Variants in DPH6 observed in about 807,000 individuals in gnomAD.
DPH6 encodes diphthamine biosynthesis 6, also known as diphthine--ammonia ligase.
A neutral mutation model predicts 38.2 loss-of-function variants in DPH6; 33 were observed. The ratio of observed to expected loss-of-function variants is 0.86; its 90% CI spans 0.65 to 1.15. DPH6 has a LOEUF of 1.15. DPH6 is among the 50% of genes most tolerant of loss of function. The pLI, the probability that DPH6 is intolerant of heterozygous loss-of-function variation, is 0.00. For synonymous variants in DPH6, 108 were observed against 103.0 expected, an observed-to-expected ratio of 1.05 and a Z score of -0.30; for missense variants, 325 against 320.0, an observed-to-expected ratio of 1.02 and a Z score of -0.12.
intron 6 of DPH6, chr15:35,401,151 CCATACTGTGAATGGCCA>C (rs893500161): frequency 9.7e-7 from 1 of 1,029,810 alleles, no homozygotes; most frequent in African/African-American, 1.6e-5. Flanking sequence ...TTCAGAAACA[CCATACTGTGAATGGCCA>C]CAACTGTGAA....
chr15:35,417,606 T>TA (rs938958495), intron 5 of DPH6, among the ~76,000 whole-genome samples: 24 of 152,200 alleles, frequency 1.6e-4, no homozygotes, highest in Non-Finnish European at 2.5e-4. Flanking sequence ...AGAACCCACT[T>TA]ACGTTTCTAA....
intron 6 of DPH6, among the ~76,000 whole-genome samples, chr15:35,384,933 C>A (rs148540946): frequency 0.038 from 5,770 of 152,086 alleles, 129 homozygotes; most frequent in African/African-American, 0.065. Context: ...AGAAAAAAAA[C>A]AACCCCATCA....
intron 3 of DPH6, among the ~76,000 whole-genome samples, chr15:35,278,378 G>A (rs895463645): frequency 6.6e-6 from 1 of 152,240 alleles, no homozygotes; most frequent in Non-Finnish European, 1.5e-5. Flanking sequence ...GGGTGAAGGA[G>A]ACTTGGCAGC....
chr15:35,353,265 C>T (rs915293770), intron 3 of DPH6, among the ~76,000 whole-genome samples: 15 of 152,130 alleles, frequency 9.9e-5, no homozygotes, highest in African/African-American at 3.1e-4. Flanking sequence ...TTTTGCTGTG[C>T]AGAAGCTCTT....
intron 6 of DPH6, among the ~76,000 whole-genome samples, chr15:35,385,582 G>A (rs2052940631): frequency 1.3e-5 from 2 of 152,096 alleles, no homozygotes; most frequent in African/African-American, 4.8e-5. Context: ...CATGGATACA[G>A]GGAGGGGAAC....
chr15:35,220,421 A>G (rs893852794), exon 4 of DPH6: 1 of 152,158 alleles, frequency 6.6e-6, no homozygotes, highest in African/African-American at 2.4e-5. Context: ...AAGAACAGAA[A>G]TGAATTGGCT....
chr15:35,357,443 TG>T (rs2052572076), intron 3 of DPH6, among the ~76,000 whole-genome samples: 3 of 152,224 alleles, frequency 2.0e-5, no homozygotes, highest in Admixed American at 2.0e-4. Context: ...ATTTTATTTT[TG>T]TTTTTGCTTT....
chr15:35,199,091 T>A, the DPH6 span, among the ~76,000 whole-genome samples: 1 of 152,240 alleles, frequency 6.6e-6, no homozygotes, highest in East Asian at 1.9e-4. Flanking sequence ...AGCTAATTTT[T>A]GTATTTTTAG....
the DPH6 span, among the ~76,000 whole-genome samples, chr15:35,188,300 G>A: frequency 1.3e-5 from 2 of 152,050 alleles, no homozygotes; most frequent in Non-Finnish European, 2.9e-5. Context: ...AACATTGGAC[G>A]GGTAAGGGAA....
chr15:35,373,413 A>G, intron 8 of DPH6, 108 bp downstream of exon 8: 1 of 958,670 alleles, frequency 1.0e-6, no homozygotes, highest in Non-Finnish European at 1.5e-6. Context: ...AATGATAAAA[A>G]TCAATTTTCT....
chr15:35,205,011 G>T, the DPH6 span, among the ~76,000 whole-genome samples: 4 of 151,888 alleles, frequency 2.6e-5, no homozygotes, highest in Non-Finnish European at 4.4e-5. Context: ...GGCTGCAAGT[G>T]TAGATACAAA....
chr15:35,308,009 C>T (rs2052107816), intron 3 of DPH6, among the ~76,000 whole-genome samples: 1 of 152,192 alleles, frequency 6.6e-6, no homozygotes, highest in Non-Finnish European at 1.5e-5. Flanking sequence ...TGGTGGCTCA[C>T]ACCTGTAATC....
At chr15:35,230,458 C>A (rs1009992391) in intron 3 of DPH6, among the ~76,000 whole-genome samples, 6 of 152,138 alleles carry the variant, frequency 3.9e-5, no homozygotes, top group Non-Finnish European at 5.9e-5. Flanking sequence ...CCAAAAATGC[C>A]ATCCAAAAGC....
intron 3 of DPH6, among the ~76,000 whole-genome samples, chr15:35,534,900 G>A (rs2055145680): frequency 6.6e-6 from 1 of 152,154 alleles, no homozygotes; most frequent in Non-Finnish European, 1.5e-5. Flanking sequence ...ACATCTCTCT[G>A]CACAGAAGGA....
the DPH6 span, among the ~76,000 whole-genome samples, chr15:35,209,149 T>A: frequency 6.6e-6 from 1 of 152,176 alleles, no homozygotes; most frequent in African/African-American, 2.4e-5. Flanking sequence ...TCCTTTTTAC[T>A]TAGCAATCTT....
chr15:35,284,798 C>CA (rs2051928905), intron 3 of DPH6, among the ~76,000 whole-genome samples: 2 of 122,638 alleles, frequency 1.6e-5, no homozygotes, highest in Non-Finnish European at 3.3e-5. Context: ...GTGAAGTCTC[C>CA]AAATTTTTTT....
At chr15:35,501,858 G>T (rs1201820395) in intron 3 of DPH6, among the ~76,000 whole-genome samples, 1 of 152,030 alleles carries the variant, frequency 6.6e-6, no homozygotes, top group African/African-American at 2.4e-5. Flanking sequence ...CTACTTAATG[G>T]ATCAGAGCAG....
chr15:35,456,467 A>G (rs1475421008), intron 3 of DPH6, among the ~76,000 whole-genome samples: 1 of 146,628 alleles, frequency 6.8e-6, no homozygotes, highest in African/African-American at 2.5e-5. Flanking sequence ...CTATATATAT[A>G]TATATATTTA....
At chr15:35,432,273 C>G (rs748374770) in intron 5 of DPH6, among the ~76,000 whole-genome samples, 1 of 152,024 alleles carries the variant, frequency 6.6e-6, no homozygotes, top group East Asian at 1.9e-4. Context: ...TGGAAGAGTA[C>G]ATTATTGCTT....
Sources: gnomAD v4.1 joint callset for allele counts (sites outside exome capture counted in the v4.1 genomes callset) on GRCh38, gnomAD v4.1.1 for gene constraint, MANE v1.5 for transcripts, NCBI Gene and HGNC (gene_info 2026-07-23, HGNC 2026-07-21) for gene names.